The following CCSER1 variants were observed in gnomAD, a reference collection of about 807,000 sequenced individuals.
CCSER1 encodes the protein coiled-coil serine rich protein 1.
A neutral mutation model predicts 82.0 loss-of-function variants in CCSER1; 41 were observed. That is an observed-to-expected ratio of 0.50 (90% CI 0.39 to 0.65). The LOEUF (loss-of-function observed/expected upper bound fraction) is 0.65. Ranked by LOEUF, CCSER1 falls within the 30% of genes least tolerant of loss-of-function variation. The probability of loss-of-function intolerance (pLI) is 0.00; values close to 1 mark genes in which losing one functional copy is unlikely to be tolerated. For missense variants in CCSER1, 1,119 were observed against 1,064.2 expected (o/e 1.05, Z -0.72); for synonymous variants, 414 against 383.9 (o/e 1.08, Z -0.92).
intron 3 of CCSER1, among the ~76,000 whole-genome samples, chr4:90,372,242 T>C (rs573732768): frequency 6.6e-6 from 1 of 152,176 alleles, no homozygotes. Context: ...AACTCTGTGG[T>C]CTAATCTAAA....
At chr4:90,720,229 C>G (rs1742429145) in intron 6 of CCSER1, among the ~76,000 whole-genome samples, 1 of 151,472 alleles carries the variant, frequency 6.6e-6, no homozygotes, top group African/African-American at 2.4e-5. Context: ...TTGTAAATTT[C>G]TTGTCCCATT....
intron 1 of CCSER1, among the ~76,000 whole-genome samples, chr4:90,177,003 G>T (rs1424506246): frequency 6.6e-6 from 1 of 151,926 alleles, no homozygotes; most frequent in Non-Finnish European, 1.5e-5. Flanking sequence ...AAGTTGTATT[G>T]GTCCTTGAAG....
chr4:91,388,193 T>C (rs1751424809), intron 10 of CCSER1, among the ~76,000 whole-genome samples: 1 of 152,082 alleles, frequency 6.6e-6, no homozygotes, highest in African/African-American at 2.4e-5. Context: ...ATATGTTTCA[T>C]TTTGAACATT....
chr4:90,468,861 A>C (rs1347654230), intron 5 of CCSER1, among the ~76,000 whole-genome samples: 1 of 152,172 alleles, frequency 6.6e-6, no homozygotes, highest in East Asian at 1.9e-4. Flanking sequence ...AATTTAAATT[A>C]AAATTTGATC....
intron 6 of CCSER1, among the ~76,000 whole-genome samples, chr4:90,671,627 G>A (rs1374542579): frequency 6.6e-6 from 1 of 151,964 alleles, no homozygotes; most frequent in East Asian, 1.9e-4. Context: ...TCATTTATGA[G>A]GGTTGGAATC....
At chr4:91,137,730 A>T (rs1728622977) in intron 10 of CCSER1, among the ~76,000 whole-genome samples, 1 of 152,000 alleles carries the variant, frequency 6.6e-6, no homozygotes, top group Non-Finnish European at 1.5e-5. Context: ...GATATCTCAT[A>T]GTGGTTTTGA....
chr4:90,534,372 G>T (rs554635837), intron 5 of CCSER1, among the ~76,000 whole-genome samples: 1 of 151,802 alleles, frequency 6.6e-6, no homozygotes, highest in South Asian at 2.1e-4. Context: ...CTCGTGATCC[G>T]CCCGCCTCGG....
chr4:90,638,268 G>T (rs934919453), intron 6 of CCSER1, among the ~76,000 whole-genome samples: 3 of 151,946 alleles, frequency 2.0e-5, no homozygotes, highest in Non-Finnish European at 4.4e-5. Flanking sequence ...AAATCATGTG[G>T]TTGTTGCACA....
At chr4:90,781,318 T>C (rs1242806680) in intron 7 of CCSER1, 1 of 984,484 alleles carries the variant, frequency 1.0e-6, no homozygotes, top group Non-Finnish European at 1.2e-6. Flanking sequence ...CAAAAAATAG[T>C]GATTCATCAA....
intron 6 of CCSER1, among the ~76,000 whole-genome samples, chr4:90,651,530 G>A (rs532451333): frequency 4.6e-5 from 7 of 152,138 alleles, no homozygotes; most frequent in Non-Finnish European, 7.4e-5. Flanking sequence ...CACACACCGG[G>A]GTCTGTCAGG....
intron 10 of CCSER1, among the ~76,000 whole-genome samples, chr4:91,354,471 G>C (rs1383872530): frequency 6.6e-6 from 1 of 152,166 alleles, no homozygotes. Flanking sequence ...GTGGAATTCT[G>C]GGTGGGCCCA....
At chr4:90,346,627 A>G (rs2153507833) in intron 3 of CCSER1, among the ~76,000 whole-genome samples, 1 of 152,214 alleles carries the variant, frequency 6.6e-6, no homozygotes, top group African/African-American at 2.4e-5. Context: ...ATTTGAAAGC[A>G]TCAATATGGT....
chr4:91,107,785 G>A (rs1328103600), intron 10 of CCSER1, among the ~76,000 whole-genome samples: 1 of 151,902 alleles, frequency 6.6e-6, no homozygotes. Flanking sequence ...AGACATTAAG[G>A]CACTGTGGTT....
rs1761406583 is a variant in CCSER1 at position 91,538,415 on chromosome 4, T to TA, written c.2218-60153dup. Among the ~76,000 whole-genome samples the TA allele has an allele frequency of 2.0e-5, 3 of 151,666 alleles. No homozygotes were observed. In the South Asian group the frequency reaches 6.3e-4, roughly 32 times the overall value. ...AAGTTTGTTCTGAAACAGTTAAAAATAAAAGATTTTCTTCATGACCAAAAA... is the reference window on the plus strand; with the variant it reads ...AAGTTTGTTCTGAAACAGTTAAAAATAAAAAGATTTTCTTCATGACCAAAAA... On this transcript the variant is annotated intron_variant, in intron 10 of 10. Transcript: ENST00000509176.
intron 9 of CCSER1, among the ~76,000 whole-genome samples, chr4:90,933,917 T>C (rs1730599531): frequency 6.6e-6 from 1 of 151,888 alleles, no homozygotes; most frequent in South Asian, 2.1e-4. Context: ...TTTTTACATT[T>C]TGTTTTAAAT....
intron 1 of CCSER1, among the ~76,000 whole-genome samples, chr4:90,210,156 A>G (rs935598286): frequency 1.3e-5 from 2 of 152,120 alleles, no homozygotes; most frequent in Non-Finnish European, 2.9e-5. Context: ...TCTTTTGTTA[A>G]AAAGAAGGAA....
chr4:90,900,252 G>A (rs1416024318), intron 8 of CCSER1, among the ~76,000 whole-genome samples: 3 of 151,748 alleles, frequency 2.0e-5, no homozygotes, highest in Admixed American at 2.0e-4. Flanking sequence ...GATTGTCTGC[G>A]TAGAGATGTT....
chr4:90,767,810 G>C (rs1246577432), intron 7 of CCSER1, among the ~76,000 whole-genome samples: 1 of 152,042 alleles, frequency 6.6e-6, no homozygotes, highest in East Asian at 1.9e-4. Context: ...TGGAACTACA[G>C]GTGTGTGCCA....
intron 1 of CCSER1, among the ~76,000 whole-genome samples, chr4:90,258,384 C>T (rs185568995): frequency 6.4e-4 from 97 of 152,044 alleles, no homozygotes; most frequent in Admixed American, 3.3e-3. Flanking sequence ...TGGTGGTGCA[C>T]GCCTGTAATC....
Sources: allele counts gnomAD v4.1 joint callset (sites outside exome capture counted in the v4.1 genomes callset), GRCh38; gene constraint gnomAD v4.1.1; transcripts MANE v1.5; gene names NCBI Gene and HGNC (gene_info 2026-07-23, HGNC 2026-07-21).